The following DCDC1 variants were observed in gnomAD, a reference collection of about 807,000 sequenced individuals.
The protein encoded by DCDC1 is doublecortin domain containing 1, also known as doublecortin domain-containing protein 1.
A neutral mutation model predicts 178.3 loss-of-function variants in DCDC1; 200 were observed. The observed-to-expected ratio is 1.12, with a 90% CI of 1.00 to 1.26. The LOEUF (loss-of-function observed/expected upper bound fraction) is 1.26, where lower values mean the gene tolerates loss of function less well. Ranked by LOEUF, DCDC1 falls within the 50% of genes most tolerant of loss-of-function variation. The pLI is 0.00. For missense variants in DCDC1, 1,983 were observed against 1,749.2 expected (o/e 1.13, Z -2.38); for synonymous variants, 690 against 604.8 (o/e 1.14, Z -2.07).
chr11:31,358,335 G>A (rs1054704727), intron 1 of DCDC1, among the ~76,000 whole-genome samples: 1 of 152,118 alleles, frequency 6.6e-6, no homozygotes, highest in African/African-American at 2.4e-5. Context: ...CAAGCAATGG[G>A]GAAAGGATTC....
chr11:31,228,766 T>C (rs931192071), intron 9 of DCDC1, among the ~76,000 whole-genome samples: 33 of 152,260 alleles, frequency 2.2e-4, no homozygotes, highest in African/African-American at 7.7e-4. Context: ...AACATCTTTA[T>C]GTCAACAAAT....
At chr11:31,250,431 T>TCACAC (rs1943936754) in intron 8 of DCDC1, among the ~76,000 whole-genome samples, 8 of 78,190 alleles carry the variant, frequency 1.0e-4, no homozygotes, top group Admixed American at 3.9e-4. Flanking sequence ...CATATATATG[T>TCACAC]ATATATATAT....
At position 30,908,873 on chromosome 11, in the gene DCDC1, A is replaced by T. The variant is rs919018546; in HGVS notation, c.3918+73T>A. 6 of 1,395,536 alleles carry T rather than the reference A, an allele frequency of 4.3e-6. No homozygotes were observed. The African/African-American group carries it at 7.3e-5, about 17-fold the overall frequency. 86.4% of individuals were successfully genotyped at this position (1,395,536 alleles called of 1,614,324 possible). On this transcript the variant is annotated intron_variant, in intron 29 of 38. Coordinates refer to ENST00000684477, the MANE Select transcript of DCDC1 (RefSeq NM_001387274.1). ...AACATAAAGTTTTCTAGGGAAAAAA[A>T]TTTTCTCATTTTATTAAATTACTCT...
At chr11:31,331,810 G>A (rs1277626784) in intron 2 of DCDC1, among the ~76,000 whole-genome samples, 4 of 150,842 alleles carry the variant, frequency 2.7e-5, no homozygotes, top group African/African-American at 9.8e-5. Context: ...TCGCATCAAT[G>A]TTCATCAGGG....
At chr11:31,112,424 T>C (rs750530260) in intron 11 of DCDC1, among the ~76,000 whole-genome samples, 14 of 152,228 alleles carry the variant, frequency 9.2e-5, no homozygotes, top group Non-Finnish European at 2.1e-4. Context: ...AGTCTACCTT[T>C]ATTTTCTTCC....
intron 8 of DCDC1, among the ~76,000 whole-genome samples, chr11:31,253,382 A>T (rs1377984673): frequency 7.1e-6 from 1 of 140,060 alleles, no homozygotes; most frequent in Non-Finnish European, 1.5e-5. Context: ...TTTGAGATGG[A>T]GTCTTGCTCT....
At chr11:31,091,122 T>A (rs1156361894) in intron 17 of DCDC1, among the ~76,000 whole-genome samples, 1 of 152,186 alleles carries the variant, frequency 6.6e-6, no homozygotes, top group East Asian at 1.9e-4. Flanking sequence ...TGAGTTCTGA[T>A]AATTATAGAG....
intron 20 of DCDC1, among the ~76,000 whole-genome samples, chr11:30,979,045 C>T (rs1468216672): frequency 1.3e-5 from 2 of 152,098 alleles, no homozygotes; most frequent in Non-Finnish European, 2.9e-5. Flanking sequence ...ATTTTAGAGC[C>T]TCCAAACTCT....
At chr11:31,360,020 A>C (rs1053484707) in intron 1 of DCDC1, among the ~76,000 whole-genome samples, 1 of 152,190 alleles carries the variant, frequency 6.6e-6, no homozygotes, top group Non-Finnish European at 1.5e-5. Context: ...AAACATACGC[A>C]ATATGTAAAA....
At position 30,899,572 on chromosome 11, in the gene DCDC1, A is replaced by G; in HGVS notation, c.4734T>C (p.Asp1578=). 3 of 1,587,356 alleles carry G rather than the reference A, an allele frequency of 1.9e-6. No individual in the cohort carries two copies. Among genetic ancestry groups the G allele is most frequent in the Non-Finnish European group, 2.6e-6 (3 of 1,166,622 alleles). Residue 1578 remains aspartate (D), a synonymous_variant, in exon 34 of 39, where the codon GAT becomes GAC. Coordinates refer to ENST00000684477, the MANE Select transcript of DCDC1 (RefSeq NM_001387274.1). ...ACTGTCTCATTTTGTGTCTCATGGTATCTAGATCAGCCAAAATTCTGTCCT... is the reference window on the plus strand; with the variant it reads ...ACTGTCTCATTTTGTGTCTCATGGTGTCTAGATCAGCCAAAATTCTGTCCT... ...LKKDRILADL[D]TMRHKMRQLK...
chr11:30,969,662 G>A (rs1436952140), intron 20 of DCDC1, among the ~76,000 whole-genome samples: 1 of 152,142 alleles, frequency 6.6e-6, no homozygotes, highest in African/African-American at 2.4e-5. Context: ...TTTGAGTGTA[G>A]AAATAGAGAA....
At chr11:31,110,400 T>G (rs563595817) in intron 11 of DCDC1, 39 bp from the exon 12 acceptor site, 165 of 694,272 alleles carry the variant, frequency 2.4e-4, no homozygotes, top group Non-Finnish European at 3.9e-4. Flanking sequence ...AATAAATACA[T>G]GCACACATAC....
intron 27 of DCDC1, among the ~76,000 whole-genome samples, chr11:30,913,484 A>T (rs1945603507): frequency 6.6e-6 from 1 of 152,098 alleles, no homozygotes; most frequent in Admixed American, 6.5e-5. Context: ...CTTATCAGCA[A>T]ATCTTGTCCC....
chr11:31,310,382 A>C (rs574434136), intron 3 of DCDC1, among the ~76,000 whole-genome samples: 1 of 129,482 alleles, frequency 7.7e-6, no homozygotes, highest in East Asian at 2.3e-4. Context: ...GCAGTGGCGC[A>C]ATCTCAGCTC....
Position 30,974,653 on chromosome 11 carries a change from T to C in DCDC1, c.2592-22085A>G, listed in dbSNP as rs559959938. Among the ~76,000 whole-genome samples, 3 of 152,124 alleles carry C rather than the reference T, an allele frequency of 2.0e-5. No individual in the cohort carries two copies. The South Asian group carries it at 6.2e-4, about 32-fold the overall frequency. ...CTGGACACATACAACCTACCAAGAT[T>C]AAATCAGGAAGAAACAGAAGACCTG... On this transcript the variant is annotated intron_variant, in intron 20 of 38. Coordinates refer to ENST00000684477, the MANE Select transcript of DCDC1 (RefSeq NM_001387274.1).
chr11:31,270,880 T>A (rs994935195), intron 7 of DCDC1, among the ~76,000 whole-genome samples: 16 of 152,162 alleles, frequency 1.1e-4, no homozygotes, highest in African/African-American at 3.9e-4. Flanking sequence ...TGGGCGACCT[T>A]CACTTTCCAC....
At chr11:31,110,484 T>G (rs1959135504) in intron 11 of DCDC1, 123 bp from the exon 12 acceptor site, 1 of 557,522 alleles carries the variant, frequency 1.8e-6, no homozygotes, top group Admixed American at 2.8e-5. Flanking sequence ...AACTGAAAAT[T>G]GTGTACATGG....
intron 8 of DCDC1, among the ~76,000 whole-genome samples, chr11:31,245,804 C>A (rs1368508229): frequency 1.3e-4 from 20 of 151,806 alleles, no homozygotes; most frequent in Admixed American, 7.9e-4. Flanking sequence ...AAGGTAATTT[C>A]TTCTAAGAAC....
chr11:31,289,372 G>T (rs1317703965), intron 7 of DCDC1, among the ~76,000 whole-genome samples: 1 of 151,952 alleles, frequency 6.6e-6, no homozygotes, highest in Non-Finnish European at 1.5e-5. Context: ...TTAGCAATTT[G>T]CTCTGCTGTG....
Sources: allele counts gnomAD v4.1 joint callset (sites outside exome capture counted in the v4.1 genomes callset), GRCh38; gene constraint gnomAD v4.1.1; transcripts MANE v1.5; gene names NCBI Gene and HGNC (gene_info 2026-07-23, HGNC 2026-07-21).